Variants in SLC36A1 observed in about 807,000 individuals in gnomAD.
SLC36A1 encodes proton-coupled amino acid transporter 1.
A neutral mutation model predicts 47.5 loss-of-function variants in SLC36A1; 30 were observed. The observed-to-expected ratio is 0.63, with a 90% CI of 0.47 to 0.86. SLC36A1 has a LOEUF of 0.86. SLC36A1 is among the 40% of genes least tolerant of loss of function. The pLI, the probability that SLC36A1 is intolerant of heterozygous loss-of-function variation, is 0.00. For synonymous variants in SLC36A1, 255 were observed against 249.7 expected (o/e 1.02, Z -0.20); for missense variants, 517 against 606.0 (o/e 0.85, Z 1.54).
the SLC36A1 span, chr5:151,511,939 C>T: frequency 8.8e-6 from 5 of 565,008 alleles, no homozygotes; most frequent in Non-Finnish European, 1.6e-5. Flanking sequence ...TCATATCCTC[C>T]CTCATCCCCC....
chr5:151,522,242 A>T, the SLC36A1 span: 1 of 578,548 alleles, frequency 1.7e-6, no homozygotes. Context: ...AAAAAACCTA[A>T]CTCCAAAAGC....
At chr5:151,526,333 G>C in the SLC36A1 span, among the ~76,000 whole-genome samples, 1 of 152,190 alleles carries the variant, frequency 6.6e-6, no homozygotes, top group Admixed American at 6.5e-5. Context: ...AGGGAATGTT[G>C]CGATTTGCAA....
At chr5:151,422,294 A>C in the SLC36A1 span, 10 of 152,372 alleles carry the variant, frequency 6.6e-5, no homozygotes, top group Admixed American at 2.6e-4. Flanking sequence ...ATAGGACAAA[A>C]ATAGATTTGT....
chr5:151,506,957 C>T, the SLC36A1 span, among the ~76,000 whole-genome samples: 6 of 152,306 alleles, frequency 3.9e-5, no homozygotes, highest in East Asian at 1.9e-4. Flanking sequence ...TAAAGGAGTG[C>T]AATAGAATGA....
chr5:151,527,918 G>T, the SLC36A1 span: 1 of 1,546,750 alleles, frequency 6.5e-7, no homozygotes, highest in Non-Finnish European at 8.8e-7. Context: ...TCTTGACAGC[G>T]ATTCATCTTC....
At chr5:151,554,743 G>A in the SLC36A1 span, 3 of 1,152,018 alleles carry the variant, frequency 2.6e-6, no homozygotes, top group Admixed American at 2.0e-5. Flanking sequence ...TTAACAACCT[G>A]GAAATAGTAG....
the SLC36A1 span, among the ~76,000 whole-genome samples, chr5:151,405,044 C>T: frequency 6.6e-5 from 10 of 152,188 alleles, no homozygotes; most frequent in Admixed American, 4.6e-4. Context: ...TAGGTTTGGT[C>T]TCTTTACATA....
the SLC36A1 span, among the ~76,000 whole-genome samples, chr5:151,383,614 C>G: frequency 1.3e-5 from 2 of 149,758 alleles, no homozygotes; most frequent in South Asian, 2.1e-4. Context: ...GCTCTGTCGC[C>G]CAGACTGGAG....
chr5:151,409,850 A>G, the SLC36A1 span, among the ~76,000 whole-genome samples: 1 of 152,230 alleles, frequency 6.6e-6, no homozygotes, highest in Non-Finnish European at 1.5e-5. Context: ...TGAATTCCAC[A>G]GATTCAGATC....
the SLC36A1 span, chr5:151,527,483 T>G: frequency 8.5e-7 from 1 of 1,170,554 alleles, no homozygotes; most frequent in African/African-American, 1.5e-5. Flanking sequence ...GGAGACACTT[T>G]CCTATGCCCA....
At chr5:151,534,970 A>AATATATATATATATATATATATATAT in the SLC36A1 span, among the ~76,000 whole-genome samples, 459 of 106,170 alleles carry the variant, frequency 4.3e-3, 13 homozygotes, top group Non-Finnish European at 6.3e-3. Flanking sequence ...CTTCTAGGAA[A>AATATATATATATATATATATATATAT]ATATATATAT....
rs754554208 is a variant in SLC36A1 at position 151,465,058 on chromosome 5, C to T, written c.324-16C>T. 5 of 1,596,438 alleles carry T rather than the reference C, an allele frequency of 3.1e-6. No homozygotes were observed. Among genetic ancestry groups the T allele is most frequent in the Non-Finnish European group, 4.3e-6 (5 of 1,163,954 alleles). On this transcript the variant is annotated splice_polypyrimidine_tract_variant and intron_variant, in intron 4 of 10. Coordinates refer to ENST00000243389, the MANE Select transcript of SLC36A1 (RefSeq NM_078483.4). ...TCCACGTGCTCTGTCCTTCCTCTTCCCTCCTACTCTTCCAGGCTGAATAAA... is the reference window on the plus strand; with the variant it reads ...TCCACGTGCTCTGTCCTTCCTCTTCTCTCCTACTCTTCCAGGCTGAATAAA...
At chr5:151,545,209 T>C in the SLC36A1 span, 1 of 1,614,184 alleles carries the variant, frequency 6.2e-7, no homozygotes, top group African/African-American at 1.3e-5. Flanking sequence ...AGCTGCCCAG[T>C]AGACATCCTG....
chr5:151,421,173 TCTCCTTCC>T, the SLC36A1 span, among the ~76,000 whole-genome samples: 9 of 77,912 alleles, frequency 1.2e-4, no homozygotes, highest in South Asian at 6.4e-4. Context: ...ACGCCCTTTC[TCTCCTTCC>T]TTCCTTCCTT....
At chr5:151,507,346 T>C in the SLC36A1 span, 1 of 1,614,188 alleles carries the variant, frequency 6.2e-7, no homozygotes, top group South Asian at 1.1e-5. Context: ...TTGCAGGAGC[T>C]GGCACTCAAT....
rs139400037 is a variant in SLC36A1, at chr5:151,468,969, G to A, written c.723+1044G>A. ...GAGAGAGAACATCTGTATACAGATG[G>A]GTAGAAAATCAGGCTGAGAAAAATG... On this transcript the variant is annotated intron_variant, in intron 7 of 10. Transcript: ENST00000243389. Among the ~76,000 whole-genome samples, 521 of 152,098 alleles carry A rather than the reference G, an allele frequency of 3.4e-3. 4 individuals carry two copies. The highest frequency in any genetic ancestry group is 0.012 in the African/African-American group (492 of 41,496).
the SLC36A1 span, among the ~76,000 whole-genome samples, chr5:151,358,770 G>A: frequency 2.4e-4 from 37 of 151,582 alleles, no homozygotes; most frequent in Non-Finnish European, 4.6e-4. Context: ...TCAGGAGATC[G>A]AGACCATCCT....
the SLC36A1 span, among the ~76,000 whole-genome samples, chr5:151,418,246 C>CCG: frequency 3.3e-5 from 5 of 152,338 alleles, no homozygotes; most frequent in South Asian, 1.0e-3. Flanking sequence ...TTGCAGCTGC[C>CCG]ACACAGTTCC....
the SLC36A1 span, chr5:151,529,391 C>T: frequency 6.2e-7 from 1 of 1,613,516 alleles, no homozygotes; most frequent in Non-Finnish European, 8.5e-7. Context: ...CATACAGGAT[C>T]CCTGAAGAAG....
Sources: allele counts gnomAD v4.1 joint callset (sites outside exome capture counted in the v4.1 genomes callset), GRCh38; gene constraint gnomAD v4.1.1; transcripts MANE v1.5; gene names NCBI Gene and HGNC (gene_info 2026-07-23, HGNC 2026-07-21).